Variants in MAF observed in about 807,000 individuals in gnomAD.
MAF encodes transcription factor Maf.
A neutral mutation model predicts 22.0 loss-of-function variants in MAF; 10 were observed. The ratio of observed to expected loss-of-function variants is 0.45; its 90% CI spans 0.28 to 0.77. The LOEUF (loss-of-function observed/expected upper bound fraction) is 0.77, where lower values mean the gene tolerates loss of function less well. Among genes scored for constraint, MAF ranks in the 30% least tolerant of loss-of-function variants. The pLI, the probability that MAF is intolerant of heterozygous loss-of-function variation, is 0.12. For missense variants in MAF, 544 were observed against 548.4 expected (o/e 0.99, Z 0.08); for synonymous variants, 337 against 255.8 (o/e 1.32, Z -3.03).
the MAF span, among the ~76,000 whole-genome samples, chr16:79,467,985 A>G: frequency 2.0e-5 from 3 of 152,098 alleles, no homozygotes; most frequent in African/African-American, 7.2e-5. Flanking sequence ...CCAAATTGCA[A>G]AAACATTAAC....
the MAF span, among the ~76,000 whole-genome samples, chr16:79,503,996 C>T: frequency 6.6e-6 from 1 of 152,098 alleles, no homozygotes; most frequent in Admixed American, 6.6e-5. Context: ...ATTGCAGGGG[C>T]TCAGTAAATA....
chr16:79,538,239 A>G, the MAF span, among the ~76,000 whole-genome samples: 2 of 152,244 alleles, frequency 1.3e-5, no homozygotes, highest in African/African-American at 4.8e-5. Flanking sequence ...TGAATGAAGT[A>G]AAATAGCCCT....
chr16:79,461,379 C>CA, the MAF span, among the ~76,000 whole-genome samples: 6 of 152,146 alleles, frequency 3.9e-5, no homozygotes, highest in African/African-American at 9.7e-5. Context: ...AGCTCTCCTC[C>CA]AAGGGACAAC....
the MAF span, among the ~76,000 whole-genome samples, chr16:79,360,262 T>C: frequency 1.3e-5 from 2 of 152,224 alleles, no homozygotes; most frequent in African/African-American, 2.4e-5. Context: ...CCTCATGTTC[T>C]GCTATCCACC....
At chr16:79,566,040 C>G in the MAF span, among the ~76,000 whole-genome samples, 1 of 152,170 alleles carries the variant, frequency 6.6e-6, no homozygotes, top group African/African-American at 2.4e-5. Flanking sequence ...CCTCCTGGCT[C>G]TTAGGTCTAG....
chr16:79,407,430 T>C, the MAF span, among the ~76,000 whole-genome samples: 1 of 152,198 alleles, frequency 6.6e-6, no homozygotes, highest in South Asian at 2.1e-4. Flanking sequence ...CTCTTTGTTC[T>C]GTTACAAGCC....
At chr16:79,277,350 C>A in the MAF span, among the ~76,000 whole-genome samples, 1 of 152,198 alleles carries the variant, frequency 6.6e-6, no homozygotes, top group Non-Finnish European at 1.5e-5. Flanking sequence ...AGTTTCTAAT[C>A]ATGTTTGACA....
chr16:79,333,258 G>A, the MAF span, among the ~76,000 whole-genome samples: 1 of 152,160 alleles, frequency 6.6e-6, no homozygotes, highest in Non-Finnish European at 1.5e-5. Context: ...CCTTCCAGAT[G>A]AGGCCTGTTT....
At chr16:79,293,641 G>T in the MAF span, among the ~76,000 whole-genome samples, 5 of 152,260 alleles carry the variant, frequency 3.3e-5, no homozygotes, top group African/African-American at 1.2e-4. Flanking sequence ...TGCTATTCCA[G>T]AACTCAGATG....
chr16:79,598,641 G>A (rs1184604262), intron 1 of MAF, 144 bp downstream of exon 1: 2 of 1,528,414 alleles, frequency 1.3e-6, no homozygotes, highest in Non-Finnish European at 1.7e-6. Context: ...GTGTGTGTAG[G>A]GGGCCAAGGG....
chr16:79,547,866 TTG>T, the MAF span, among the ~76,000 whole-genome samples: 100 of 147,748 alleles, frequency 6.8e-4, 1 homozygote, highest in East Asian at 5.2e-3. Flanking sequence ...AACTATCTCC[TTG>T]TGTGTGTGTG....
chr16:79,412,856 T>C, the MAF span, among the ~76,000 whole-genome samples: 50 of 152,086 alleles, frequency 3.3e-4, 1 homozygote, highest in African/African-American at 1.1e-3. Context: ...TGGGAGGAGG[T>C]GATCCATCAG....
intron 1 of MAF, chr16:79,596,873 A>G (rs926644130): frequency 9.5e-7 from 1 of 1,050,358 alleles, no homozygotes; most frequent in Non-Finnish European, 1.1e-6. Flanking sequence ...TTAGCGTTCT[A>G]AACAGTTTTG....
At chr16:79,246,855 T>C in the MAF span, among the ~76,000 whole-genome samples, 1 of 152,110 alleles carries the variant, frequency 6.6e-6, no homozygotes, top group Non-Finnish European at 1.5e-5. Context: ...CATCCATCTT[T>C]TCAATAATTT....
chr16:79,480,988 C>G, the MAF span, among the ~76,000 whole-genome samples: 1 of 152,186 alleles, frequency 6.6e-6, no homozygotes, highest in Non-Finnish European at 1.5e-5. Flanking sequence ...AACTCCACGT[C>G]CCCTCGCTCC....
the MAF span, among the ~76,000 whole-genome samples, chr16:79,325,069 G>C: frequency 6.6e-6 from 1 of 152,028 alleles, no homozygotes; most frequent in Non-Finnish European, 1.5e-5. Context: ...CTTGGAATTA[G>C]AGCCTAACCC....
chr16:79,466,215 C>T, the MAF span, among the ~76,000 whole-genome samples: 3 of 152,176 alleles, frequency 2.0e-5, no homozygotes, highest in African/African-American at 7.2e-5. Flanking sequence ...GGACCTCACT[C>T]CCTCTAGACC....
chr16:79,399,021 G>A, the MAF span, among the ~76,000 whole-genome samples: 1 of 152,238 alleles, frequency 6.6e-6, no homozygotes, highest in Non-Finnish European at 1.5e-5. Flanking sequence ...CCTCTCAAGT[G>A]CCCAGTTCTT....
At chr16:79,278,579 C>A in the MAF span, among the ~76,000 whole-genome samples, 1 of 152,172 alleles carries the variant, frequency 6.6e-6, no homozygotes, top group Non-Finnish European at 1.5e-5. Flanking sequence ...AAGGAAGATG[C>A]CTGCTTGAAG....
Sources: allele counts gnomAD v4.1 joint callset (sites outside exome capture counted in the v4.1 genomes callset), GRCh38; gene constraint gnomAD v4.1.1; transcripts MANE v1.5; gene names NCBI Gene and HGNC (gene_info 2026-07-23, HGNC 2026-07-21).